Variants in SLC9A7 observed in about 807,000 individuals in gnomAD.
SLC9A7 encodes the protein solute carrier family 9 member A7.
Under a neutral mutation model 52.6 loss-of-function variants are expected in SLC9A7, and 19 were observed. The observed-to-expected ratio is 0.36, with a 90% CI of 0.25 to 0.53. The LOEUF is 0.53. Ranked by LOEUF, SLC9A7 falls within the 20% of genes least tolerant of loss-of-function variation. The pLI is 0.91. For synonymous variants in SLC9A7, 226 were observed against 252.1 expected (o/e 0.90, Z 0.98); for missense variants, 455 against 597.9 (o/e 0.76, Z 2.49).
At chrX:46,649,275 C>T (rs141828635) in intron 10 of SLC9A7, among the ~76,000 whole-genome samples, 168 of 111,689 alleles carry the variant, frequency 1.5e-3, no homozygotes, top group African/African-American at 5.1e-3. Context: ...GCTGGATAAG[C>T]GCTTGCAGGC....
chrX:46,733,283 G>A (rs756840985), intron 1 of SLC9A7, among the ~76,000 whole-genome samples: 253 of 111,689 alleles, frequency 2.3e-3, no homozygotes, highest in Non-Finnish European at 4.2e-3. Context: ...CTATATACAC[G>A]TTACAAACCT....
At chrX:46,723,673 C>A (rs1944899167) in intron 1 of SLC9A7, among the ~76,000 whole-genome samples, 3 of 111,816 alleles carry the variant, frequency 2.7e-5, no homozygotes, top group African/African-American at 6.5e-5. Flanking sequence ...GGGGTACAAG[C>A]CAAAGGGCAG....
At chrX:46,733,320 A>G (rs762460539) in intron 1 of SLC9A7, among the ~76,000 whole-genome samples, 9 of 112,177 alleles carry the variant, frequency 8.0e-5, no homozygotes, top group Non-Finnish European at 1.7e-4. Context: ...TGCTATCCAT[A>G]GCAAAGAATT....
At chrX:46,625,713 CA>C (rs756504189) in intron 14 of SLC9A7, among the ~76,000 whole-genome samples, 13,853 of 44,917 alleles carry the variant, frequency 0.31, 970 homozygotes, top group Middle Eastern at 0.47. Context: ...GTCTCTCTCT[CA>C]AAAAAAAAAA....
chrX:46,747,277 T>C (rs1276683947), intron 1 of SLC9A7, among the ~76,000 whole-genome samples: 1 of 111,823 alleles, frequency 8.9e-6, no homozygotes, highest in Non-Finnish European at 1.9e-5. Flanking sequence ...TTGAAATAGC[T>C]AGAAGGGAAT....
At chrX:46,644,260 C>T (rs1405993379) in intron 11 of SLC9A7, among the ~76,000 whole-genome samples, 1 of 111,955 alleles carries the variant, frequency 8.9e-6, no homozygotes, top group African/African-American at 3.2e-5. Context: ...AGATTAATAC[C>T]ATCAGTTTAA....
intron 7 of SLC9A7, among the ~76,000 whole-genome samples, chrX:46,661,398 T>A (rs1285567131): frequency 9.0e-6 from 1 of 110,752 alleles, no homozygotes; most frequent in Admixed American, 9.6e-5. Flanking sequence ...GAAAAAAAAA[T>A]TATTTTTATC....
chrX:46,707,506 A>G (rs1944622358), intron 1 of SLC9A7, among the ~76,000 whole-genome samples: 1 of 111,714 alleles, frequency 9.0e-6, no homozygotes, highest in Non-Finnish European at 1.9e-5. Flanking sequence ...CTCTCAGGAA[A>G]GGGAGCCCAA....
At chrX:46,659,985 G>A (rs1272879547) in intron 7 of SLC9A7, among the ~76,000 whole-genome samples, 1 of 110,901 alleles carries the variant, frequency 9.0e-6, no homozygotes, top group African/African-American at 3.3e-5. Context: ...CAAGGCTACA[G>A]TAACCAAAAC....
intron 2 of SLC9A7, 72 bp downstream of exon 2, chrX:46,682,264 C>T (rs1297409109): frequency 3.0e-6 from 3 of 1,012,211 alleles, no homozygotes; most frequent in Non-Finnish European, 4.2e-6. Context: ...GGATTTCTCT[C>T]CACAAGGTCA....
At chrX:46,709,109 A>G (rs1261200657) in intron 1 of SLC9A7, among the ~76,000 whole-genome samples, 2 of 111,876 alleles carry the variant, frequency 1.8e-5, no homozygotes, top group Admixed American at 1.9e-4. Flanking sequence ...AAGAAGTTCC[A>G]CTGAAAAAGG....
Position 46,648,771 on chromosome X carries a change from C to T in SLC9A7, c.1377G>A (p.Ala459=), listed in dbSNP as rs771994893. The part of the protein sequence containing the change: ...AFVAIFLGRA[A]HIYPLSFFLN... ...GGAAGAAGGAGAGCGGGTAGATGTG[C>T]GCGGCTCTGCCCAGGAAGATGGCAA... The change falls in exon 11 of 17, where the codon GCG becomes GCA. Residue 459 remains alanine (A), a synonymous_variant. Coordinates refer to ENST00000616978, the MANE Select transcript of SLC9A7 (RefSeq NM_001257291.2). 44 of 1,208,628 alleles carry T rather than the reference C, an allele frequency of 3.6e-5. No individual in the cohort carries two copies. Among genetic ancestry groups the T allele is most frequent in the South Asian group, 5.3e-5 (3 of 56,775 alleles).
intron 14 of SLC9A7, among the ~76,000 whole-genome samples, chrX:46,628,179 C>G (rs1235653576): frequency 8.9e-6 from 1 of 112,103 alleles, no homozygotes. Flanking sequence ...TCAATGAGTG[C>G]TCTTCTGTAA....
intron 7 of SLC9A7, among the ~76,000 whole-genome samples, chrX:46,656,653 G>A (rs200208791): frequency 4.5e-5 from 5 of 111,697 alleles, no homozygotes; most frequent in Admixed American, 9.5e-5. Context: ...GAAATGAAGC[G>A]AGAAAGGAAG....
intron 15 of SLC9A7, among the ~76,000 whole-genome samples, chrX:46,619,007 A>G (rs976606738): frequency 2.7e-5 from 3 of 111,436 alleles, no homozygotes; most frequent in African/African-American, 9.8e-5. Context: ...ATCATGTATG[A>G]TCAGCAAAAG....
At chrX:46,739,452 C>G (rs1242166770) in intron 1 of SLC9A7, among the ~76,000 whole-genome samples, 1 of 109,623 alleles carries the variant, frequency 9.1e-6, no homozygotes. Flanking sequence ...CCTATCATCT[C>G]TCTCTCTCTC....
intron 1 of SLC9A7, among the ~76,000 whole-genome samples, chrX:46,702,816 G>A (rs1043216754): frequency 8.9e-6 from 1 of 112,177 alleles, no homozygotes; most frequent in Non-Finnish European, 1.9e-5. Flanking sequence ...GGGATTACCA[G>A]GTCAAATGGT....
intron 1 of SLC9A7, among the ~76,000 whole-genome samples, chrX:46,720,372 C>T (rs941885276): frequency 4.5e-5 from 5 of 110,525 alleles, no homozygotes; most frequent in Non-Finnish European, 9.4e-5. Flanking sequence ...CTGATCACCC[C>T]CTCTTCTCCT....
In SLC9A7 at chrX:46,672,426, C is replaced by T. The variant is rs373686305; in HGVS notation, c.680+125G>A. On this transcript the variant is annotated intron_variant, in intron 4 of 16. Transcript: ENST00000616978. ...CGTGGCTAATAGCTACCATACTGAA[C>T]GGTGTAACTCTTGATCCTGACTGCC... The T allele has an allele frequency of 6.3e-5, 29 of 460,789 alleles. 2 individuals carry two copies. In the South Asian group the frequency reaches 9.0e-4, roughly 14 times the overall value. The allele number at this position is 460,789 out of a possible 1,213,427, so 38.0% of individuals were successfully genotyped here.
Sources: allele counts gnomAD v4.1 joint callset (sites outside exome capture counted in the v4.1 genomes callset), GRCh38; gene constraint gnomAD v4.1.1; transcripts MANE v1.5; gene names NCBI Gene and HGNC (gene_info 2026-07-23, HGNC 2026-07-21).